The following BNC2 variants were observed in gnomAD, a reference collection of about 807,000 sequenced individuals.
BNC2 encodes zinc finger protein basonuclin-2.
BNC2 carries 20 observed loss-of-function variants against 76.3 expected under a neutral mutation model. That is an observed-to-expected ratio of 0.26 (90% confidence interval 0.18 to 0.38). The LOEUF is 0.38. BNC2 is among the 10% of genes least tolerant of loss of function. The probability of loss-of-function intolerance (pLI) is 1.00; values close to 1 mark genes in which losing one functional copy is unlikely to be tolerated. For missense variants in BNC2, 1,382 were observed against 1,399.8 expected, an observed-to-expected ratio of 0.99 and a Z score of 0.20; for synonymous variants, 582 against 514.8, an observed-to-expected ratio of 1.13 and a Z score of -1.77.
intron 5 of BNC2, among the ~76,000 whole-genome samples, chr9:16,476,823 T>A (rs982502311): frequency 2.0e-5 from 3 of 152,194 alleles, no homozygotes; most frequent in African/African-American, 7.2e-5. Flanking sequence ...TACAAGGTGA[T>A]CATTCCTGAA....
chr9:16,813,108 G>C (rs1371816887), intron 1 of BNC2, among the ~76,000 whole-genome samples: 3 of 152,036 alleles, frequency 2.0e-5, no homozygotes, highest in African/African-American at 7.2e-5. Flanking sequence ...TGAGGCAGGA[G>C]AATCACTGGA....
chr9:16,436,533 A>T lies in BNC2; in HGVS notation c.1661T>A (p.Leu554His), dbSNP rs1017712544. ...CCCAGAAAATACTAGCTGGCTAGGG[A>T]GAGGATTTTGCAAGACAGGGTCTAG... ...PPLDPVLQNPLPSQLVFSGLK... is the reference protein window; with the variant it reads ...PPLDPVLQNPHPSQLVFSGLK... Residue 554 changes from leucine to histidine, a missense_variant, in exon 6 of 7, where the codon CTC becomes CAC. Leu to His is a moderately conservative substitution (Grantham distance 99). This residue lies in a region of BNC2 where 798 missense variants were observed against 775.5 expected (regional missense o/e 1.03). Transcript: ENST00000380672. 10 of 1,613,974 alleles carry T rather than the reference A, an allele frequency of 6.2e-6. No individual in the cohort carries two copies. In the African/African-American group the frequency reaches 1.2e-4, roughly 19 times the overall value.
chr9:16,741,514 G>C (rs1025256924), intron 1 of BNC2, among the ~76,000 whole-genome samples: 1 of 151,790 alleles, frequency 6.6e-6, no homozygotes, highest in African/African-American at 2.4e-5. Flanking sequence ...GCAAATAGTA[G>C]AACTCAGCCT....
chr9:16,435,575 G>A lies in BNC2; in HGVS notation c.2619C>T (p.Pro873=). The A allele has an allele frequency of 1.2e-6, 2 of 1,614,036 alleles. No homozygotes were observed. Among genetic ancestry groups the A allele is most frequent in the African/African-American group, 1.3e-5 (1 of 75,024 alleles). Residue 873 remains proline (P), a synonymous_variant, in exon 6 of 7, where the codon CCC becomes CCT. Coordinates refer to ENST00000380672, the MANE Select transcript of BNC2 (RefSeq NM_017637.6). ...CTGACCTGTCTCGGCTTCGGCGAGA[G>A]GGGAATGCAGCATTGCAACCAGCCA... ...CTVAGCNAAF[P]SRRSRDRHSA...
Position 16,605,257 on chromosome 9 carries a change from T to C in BNC2, c.331-22172A>G, listed in dbSNP as rs541482122. On this transcript the variant is annotated intron_variant, in intron 3 of 6. Transcript: ENST00000380672. ...TTTCTACTTATTTGCATATTTCATATATTATCTGCAAAGTTAAGTTTAAAA... is the reference window on the plus strand; with the variant it reads ...TTTCTACTTATTTGCATATTTCATACATTATCTGCAAAGTTAAGTTTAAAA... Among the ~76,000 whole-genome samples the C allele has an allele frequency of 3.3e-5, 5 of 152,368 alleles. 1 individual carries two copies. The East Asian group carries it at 9.6e-4, about 29-fold the overall frequency.
intron 3 of BNC2, among the ~76,000 whole-genome samples, chr9:16,659,237 A>C (rs1437961926): frequency 6.6e-6 from 1 of 152,190 alleles, no homozygotes; most frequent in Admixed American, 6.5e-5. Flanking sequence ...TTGTACCGCC[A>C]TGTAAAAGGG....
At chr9:16,808,479 CTTTTTTTTTTTTT>C (rs768028981) in intron 1 of BNC2, among the ~76,000 whole-genome samples, 1 of 78,678 alleles carries the variant, frequency 1.3e-5, no homozygotes. Flanking sequence ...TCTTGGGCAA[CTTTTTTTTTTTTT>C]TTTTTTTTTT....
rs149264773 is a variant in BNC2, at chr9:16,472,788, A to G, written c.670-35264T>C. ...GTTAATGTTGGAAGTTATGAGAAAC[A>G]GCTACTTAATGAAAGGGGTGAAATA... On this transcript the variant is annotated intron_variant, in intron 5 of 6. Coordinates refer to ENST00000380672, the MANE Select transcript of BNC2 (RefSeq NM_017637.6). Among the ~76,000 whole-genome samples, 251 of 152,364 alleles carry G rather than the reference A, an allele frequency of 1.6e-3. 1 individual carries two copies. The highest frequency in any genetic ancestry group is 5.9e-3 in the African/African-American group (246 of 41,584).
At chr9:16,676,008 T>G (rs1311495167) in intron 3 of BNC2, among the ~76,000 whole-genome samples, 1 of 152,172 alleles carries the variant, frequency 6.6e-6, no homozygotes, top group East Asian at 1.9e-4. Flanking sequence ...GAGATTGCAG[T>G]GAGCCAAGAT....
intron 3 of BNC2, among the ~76,000 whole-genome samples, chr9:16,706,648 G>C (rs1823683157): frequency 6.6e-6 from 1 of 152,160 alleles, no homozygotes; most frequent in Non-Finnish European, 1.5e-5. Context: ...TTAAGCCCTA[G>C]TTAAAAGACT....
intron 1 of BNC2, among the ~76,000 whole-genome samples, chr9:16,852,072 G>A (rs977075837): frequency 6.6e-6 from 1 of 152,136 alleles, no homozygotes; most frequent in Admixed American, 6.5e-5. Context: ...CAGTCACACC[G>A]CCTTATTATA....
rs1820445742 is a variant in BNC2, at chr9:16,410,903, C to G, written c.*8086G>C. 1.3e-5 allele frequency: 2 copies of G among 152,174 alleles called. No individual in the cohort carries two copies. Among genetic ancestry groups the G allele is most frequent in the Non-Finnish European group, 1.5e-5 (1 of 68,028 alleles). 9.4% of individuals were successfully genotyped at this position (152,174 alleles called of 1,614,324 possible). A position where few individuals can be genotyped will look rare whatever the true frequency, so the allele number is the denominator to read the frequency against. On this transcript the variant is annotated 3_prime_UTR_variant, in exon 7 of 7. Transcript: ENST00000380672. ...CTTGGTGTATACATCTCAAGTGAAC[C>G]TATTAACTCAGCACATTGTCTGGGA...
At chr9:16,581,807 G>A (rs530041627) in intron 4 of BNC2, among the ~76,000 whole-genome samples, 1 of 152,228 alleles carries the variant, frequency 6.6e-6, no homozygotes, top group Non-Finnish European at 1.5e-5. Flanking sequence ...TTGCTGATTT[G>A]GGCCTTGTTA....
intron 1 of BNC2, among the ~76,000 whole-genome samples, chr9:16,754,546 T>A (rs1257788483): frequency 7.0e-6 from 1 of 142,854 alleles, no homozygotes; most frequent in African/African-American, 2.7e-5. Flanking sequence ...AGTTATAGAT[T>A]CAAATAGTCA....
chr9:16,532,607 A>G (rs1818017032), intron 5 of BNC2, among the ~76,000 whole-genome samples: 1 of 152,236 alleles, frequency 6.6e-6, no homozygotes, highest in African/African-American at 2.4e-5. Context: ...AACAGACGAC[A>G]TTAAAAATTA....
In BNC2 at chr9:16,719,293, C is replaced by T. The variant is rs1417302273; in HGVS notation, c.330+8504G>A. On this transcript the variant is annotated intron_variant, in intron 3 of 6. Coordinates refer to ENST00000380672, the MANE Select transcript of BNC2 (RefSeq NM_017637.6). ...CTGATCAGGTGTCCCAAATAGCCACCCTAATGATTTAAATCAATGAAATTC... is the reference window on the plus strand; with the variant it reads ...CTGATCAGGTGTCCCAAATAGCCACTCTAATGATTTAAATCAATGAAATTC... Among the ~76,000 whole-genome samples, 15 of 151,978 alleles carry T rather than the reference C, an allele frequency of 9.9e-5. No homozygotes were observed. The East Asian group carries it at 2.9e-3, about 29-fold the overall frequency.
chr9:16,622,411 T>C (rs186135184), intron 3 of BNC2, among the ~76,000 whole-genome samples: 31 of 152,300 alleles, frequency 2.0e-4, no homozygotes, highest in African/African-American at 7.2e-4. Context: ...CAAGATGACG[T>C]ATCAAATAAA....
At chr9:16,859,401 C>A (rs1237899415) in intron 1 of BNC2, among the ~76,000 whole-genome samples, 1 of 152,172 alleles carries the variant, frequency 6.6e-6, no homozygotes, top group Non-Finnish European at 1.5e-5. Flanking sequence ...TACTTATATT[C>A]ACAACAGCAT....
At chr9:16,645,055 T>G (rs1821585757) in intron 3 of BNC2, among the ~76,000 whole-genome samples, 1 of 152,226 alleles carries the variant, frequency 6.6e-6, no homozygotes, top group Admixed American at 6.5e-5. Context: ...TCCTGACTGC[T>G]GTCATAATAG....
Sources: allele counts gnomAD v4.1 joint callset (sites outside exome capture counted in the v4.1 genomes callset), GRCh38; gene constraint gnomAD v4.1.1; regional missense constraint gnomAD v4.1.1; transcripts MANE v1.5; gene names NCBI Gene and HGNC (gene_info 2026-07-23, HGNC 2026-07-21).